Variants in RNF128 observed in about 807,000 individuals in gnomAD.
RNF128 encodes ring finger protein 128.
Under a neutral mutation model 26.2 loss-of-function variants are expected in RNF128, and 13 were observed. The observed-to-expected ratio is 0.50, with a 90% CI of 0.32 to 0.79. The LOEUF is 0.79. Among genes scored for constraint, RNF128 ranks in the 30% least tolerant of loss-of-function variants. The probability of loss-of-function intolerance (pLI) is 0.03; values close to 1 mark genes in which losing one functional copy is unlikely to be tolerated. For synonymous variants in RNF128, 149 were observed against 142.5 expected, an observed-to-expected ratio of 1.05 and a Z score of -0.32; for missense variants, 315 against 349.7, an observed-to-expected ratio of 0.90 and a Z score of 0.79.
At chrX:106,711,096 C>A (rs1451254450) in intron 1 of RNF128, among the ~76,000 whole-genome samples, 2 of 111,899 alleles carry the variant, frequency 1.8e-5, no homozygotes, top group Admixed American at 9.5e-5. Context: ...TAAAAAAAAT[C>A]ACTGAATCTA....
At chrX:106,778,185 G>A (rs1930502223) in intron 2 of RNF128, among the ~76,000 whole-genome samples, 2 of 111,106 alleles carry the variant, frequency 1.8e-5, no homozygotes, top group South Asian at 7.7e-4. Flanking sequence ...GGCTGTGTGA[G>A]GGTCAGTGCC....
chrX:106,770,759 C>G (rs958822144), intron 1 of RNF128, among the ~76,000 whole-genome samples: 1 of 112,199 alleles, frequency 8.9e-6, no homozygotes, highest in Non-Finnish European at 1.9e-5. Flanking sequence ...CTCAACCCAT[C>G]AAAGTCATTT....
At chrX:106,774,989 T>A (rs1166227830) in intron 2 of RNF128, among the ~76,000 whole-genome samples, 1 of 111,925 alleles carries the variant, frequency 8.9e-6, no homozygotes, top group Non-Finnish European at 1.9e-5. Flanking sequence ...AAAAACTTCA[T>A]AAAGATTAGA....
rs746863230 is a variant in RNF128 at position 106,727,371 on chromosome X, A to G, written c.458A>G (p.Asn153Ser). 1 of 1,211,229 alleles carries G rather than the reference A, an allele frequency of 8.3e-7. No homozygotes were observed. The highest frequency in any genetic ancestry group is 1.1e-6 in the Non-Finnish European group (1 of 895,345). Residue 153 changes from asparagine (N) to serine (S), a missense_variant, in exon 1 of 7, where the codon AAT becomes AGT. Physicochemically the swap from Asn to Ser is conservative, Grantham distance 46. Coordinates refer to ENST00000255499, the MANE Select transcript of RNF128 (RefSeq NM_194463.2). ...AVIFNFPGTRNEVIPMSHPGA... is the reference protein window; with the variant it reads ...AVIFNFPGTRSEVIPMSHPGA... The stretch of plus-strand genomic sequence containing the variant: ...ATCTTTAACTTCCCCGGGACCCGCA[A>G]TGAGGTCATCCCCATGTCTCACCCG...
intron 1 of RNF128, among the ~76,000 whole-genome samples, chrX:106,750,152 C>A (rs1180998454): frequency 1.8e-5 from 2 of 111,590 alleles, no homozygotes; most frequent in African/African-American, 6.5e-5. Context: ...CACATTTCAT[C>A]CCAATTCCAC....
intron 1 of RNF128, among the ~76,000 whole-genome samples, chrX:106,765,800 T>C (rs189195473): frequency 1.7e-4 from 19 of 111,391 alleles, no homozygotes; most frequent in Non-Finnish European, 3.2e-4. Flanking sequence ...ATGTGCCATG[T>C]TGGTGTGCTG....
At position 106,726,731 on chromosome X, in the gene RNF128, A is replaced by C. The variant is rs1373447700; in HGVS notation, c.-183A>C. On this transcript the variant is annotated 5_prime_UTR_variant, in exon 1 of 7. Coordinates refer to ENST00000255499, the MANE Select transcript of RNF128 (RefSeq NM_194463.2). ...AGCGGAGAAGACTGGAGCTCCGAGG[A>C]GCTGCATCTGCGGCAACCTGTGTGC... The C allele has an allele frequency of 3.8e-6, 4 of 1,042,580 alleles. No individual in the cohort carries two copies. The East Asian group carries it at 1.2e-4, about 30-fold the overall frequency. The allele number at this position is 1,042,580 out of a possible 1,213,427, so 85.9% of individuals were successfully genotyped here.
chrX:106,769,049 G>A (rs182111053), intron 1 of RNF128, among the ~76,000 whole-genome samples: 17 of 112,117 alleles, frequency 1.5e-4, no homozygotes, highest in Non-Finnish European at 2.6e-4. Context: ...TTAATCCTGA[G>A]TTCTAGTTTC....
chrX:106,722,313 T>C (rs984164311), upstream of RNF128, among the ~76,000 whole-genome samples: 8 of 111,362 alleles, frequency 7.2e-5, no homozygotes, highest in African/African-American at 2.6e-4. Flanking sequence ...AGGAATACTC[T>C]AGTCTACCCT....
intron 1 of RNF128, among the ~76,000 whole-genome samples, chrX:106,753,786 C>A (rs995101075): frequency 9.0e-6 from 1 of 111,343 alleles, no homozygotes; most frequent in South Asian, 3.7e-4. Context: ...TAGAAAACAA[C>A]AAAGAGGAGT....
chrX:106,768,703 G>A (rs1180168610), intron 1 of RNF128, among the ~76,000 whole-genome samples: 1 of 111,288 alleles, frequency 9.0e-6, no homozygotes, highest in East Asian at 2.8e-4. Context: ...GGTTTTTTGT[G>A]TCTCTATCTC....
intron 6 of RNF128, among the ~76,000 whole-genome samples, chrX:106,795,033 GTT>G (rs752819161): frequency 2.7e-5 from 3 of 111,607 alleles, no homozygotes; most frequent in Non-Finnish European, 5.7e-5. Flanking sequence ...TCAAAATACT[GTT>G]TTCCAAAGTT....
At chrX:106,738,908 T>G (rs755916929) in intron 1 of RNF128, among the ~76,000 whole-genome samples, 2 of 111,814 alleles carry the variant, frequency 1.8e-5, no homozygotes, top group Non-Finnish European at 3.8e-5. Flanking sequence ...AGCCCAGCTT[T>G]GGAGATTGGC....
At position 106,765,387 on chromosome X, in the gene RNF128, G is replaced by A. The variant is rs1428111303; in HGVS notation, c.485-7526G>A. Among the ~76,000 whole-genome samples, 7 of 111,881 alleles carry A rather than the reference G, an allele frequency of 6.3e-5. No homozygotes were observed. The East Asian group carries it at 2.0e-3, about 31-fold the overall frequency. On this transcript the variant is annotated intron_variant, in intron 1 of 6. Transcript: ENST00000255499. ...ATTGCTTGATTAACAATTTTACTGT[G>A]TACATTGCCATTTAAGGTTTATACC... is the stretch of plus-strand genomic sequence containing the variant.
intron 1 of RNF128, among the ~76,000 whole-genome samples, chrX:106,760,390 A>G (rs1354580468): frequency 9.0e-6 from 1 of 111,598 alleles, no homozygotes; most frequent in Admixed American, 9.6e-5. Flanking sequence ...AAAATATTCA[A>G]CGTCACCAAT....
At position 106,726,870 on chromosome X, in the gene RNF128, G is replaced by A; in HGVS notation, c.-44G>A. ...ACCAGGGTCCTGCCAAGCGCTAGGA[G>A]GGCGCGTGCCAGGGGCGCTAGGGAA... On this transcript the variant is annotated 5_prime_UTR_variant, in exon 1 of 7. Transcript: ENST00000255499. The A allele has an allele frequency of 8.8e-7, 1 of 1,132,545 alleles. No homozygotes were observed. The highest frequency in any genetic ancestry group is 1.2e-6 in the Non-Finnish European group (1 of 860,750). 93.3% of individuals were successfully genotyped at this position (1,132,545 alleles called of 1,213,427 possible). A position where few individuals can be genotyped will look rare whatever the true frequency, so the allele number is the denominator to read the frequency against.
At chrX:106,765,331 CTT>C (rs1930199237) in intron 1 of RNF128, among the ~76,000 whole-genome samples, 1 of 112,080 alleles carries the variant, frequency 8.9e-6, no homozygotes, top group African/African-American at 3.2e-5. Context: ...CTTTTGAAAA[CTT>C]TGGCTACTGA....
chrX:106,748,743 T>C (rs1409074745), intron 1 of RNF128, among the ~76,000 whole-genome samples: 1 of 111,083 alleles, frequency 9.0e-6, no homozygotes, highest in African/African-American at 3.3e-5. Context: ...AGAGAGTAGA[T>C]TGGTGGTTAT....
intron 1 of RNF128, among the ~76,000 whole-genome samples, chrX:106,721,105 T>G (rs1330114528): frequency 8.9e-6 from 1 of 112,431 alleles, no homozygotes; most frequent in Non-Finnish European, 1.9e-5. Flanking sequence ...TTTGGAAGTA[T>G]GCTGTTGGCA....
Sources: allele counts gnomAD v4.1 joint callset (sites outside exome capture counted in the v4.1 genomes callset), GRCh38; gene constraint gnomAD v4.1.1; transcripts MANE v1.5; gene names NCBI Gene and HGNC (gene_info 2026-07-23, HGNC 2026-07-21).